Variants in GALNT13 observed in about 807,000 individuals in gnomAD.
GALNT13 encodes polypeptide N-acetylgalactosaminyltransferase 13.
GALNT13 carries 28 observed loss-of-function variants against 64.2 expected under a neutral mutation model. That is an observed-to-expected ratio of 0.44 (90% CI 0.32 to 0.60). GALNT13 has a LOEUF of 0.60. GALNT13 is among the 20% of genes least tolerant of loss of function. The probability of loss-of-function intolerance (pLI) is 0.05; values close to 1 mark genes in which losing one functional copy is unlikely to be tolerated. For synonymous variants in GALNT13, 214 were observed against 224.6 expected (o/e 0.95, Z 0.42); for missense variants, 577 against 669.8 (o/e 0.86, Z 1.53).
intron 3 of GALNT13, among the ~76,000 whole-genome samples, chr2:154,095,910 A>C (rs1235039967): frequency 6.6e-6 from 1 of 152,036 alleles, no homozygotes; most frequent in Non-Finnish European, 1.5e-5. Flanking sequence ...AAACCACAAA[A>C]TACATAGATT....
intron 9 of GALNT13, among the ~76,000 whole-genome samples, chr2:154,309,736 T>C (rs542161694): frequency 6.6e-6 from 1 of 152,212 alleles, no homozygotes; most frequent in Non-Finnish European, 1.5e-5. Context: ...CAACATAAAT[T>C]TGGGCAGGAA....
the GALNT13 span, among the ~76,000 whole-genome samples, chr2:153,288,882 ATATACT>A: frequency 6.6e-6 from 1 of 152,186 alleles, no homozygotes; most frequent in Non-Finnish European, 1.5e-5. Flanking sequence ...ACTTAAATTT[ATATACT>A]TATAATCTGT....
At chr2:153,378,792 G>A in the GALNT13 span, among the ~76,000 whole-genome samples, 1 of 152,062 alleles carries the variant, frequency 6.6e-6, no homozygotes, top group East Asian at 1.9e-4. Context: ...CCAGGCCTCT[G>A]GTTTGTGTAA....
At chr2:154,096,292 C>A (rs1387319568) in intron 3 of GALNT13, among the ~76,000 whole-genome samples, 1 of 151,928 alleles carries the variant, frequency 6.6e-6, no homozygotes, top group Admixed American at 6.6e-5. Context: ...TGGCTTCTGG[C>A]TCTGGGACAT....
chr2:153,574,371 G>A, the GALNT13 span, among the ~76,000 whole-genome samples: 3 of 151,898 alleles, frequency 2.0e-5, no homozygotes, highest in Admixed American at 6.6e-5. Context: ...TAACCTTCTT[G>A]CAGATATTGA....
At chr2:153,686,668 CAAT>C in the GALNT13 span, among the ~76,000 whole-genome samples, 5 of 152,094 alleles carry the variant, frequency 3.3e-5, no homozygotes, top group South Asian at 1.0e-3. Context: ...CCAGGACATA[CAAT>C]ACTATGTTGA....
the GALNT13 span, among the ~76,000 whole-genome samples, chr2:153,200,111 G>A: frequency 6.6e-6 from 1 of 152,166 alleles, no homozygotes; most frequent in Admixed American, 6.5e-5. Flanking sequence ...GAGGACTTTG[G>A]AGTTGATGGA....
chr2:153,494,408 A>G, the GALNT13 span, among the ~76,000 whole-genome samples: 2 of 152,032 alleles, frequency 1.3e-5, no homozygotes, highest in Non-Finnish European at 2.9e-5. Flanking sequence ...ACAAAAGGAT[A>G]GATATAAAGG....
chr2:154,225,148 CAGAT>C (rs1255428206), intron 4 of GALNT13, among the ~76,000 whole-genome samples: 63 of 66,076 alleles, frequency 9.5e-4, no homozygotes, highest in Middle Eastern at 8.8e-3. Context: ...AGATAGATGA[CAGAT>C]AGATAGATGA....
chr2:153,875,763 G>T (rs529812184), intron 1 of GALNT13, among the ~76,000 whole-genome samples: 1 of 152,166 alleles, frequency 6.6e-6, no homozygotes, highest in Non-Finnish European at 1.5e-5. Context: ...AAGCCTTACT[G>T]TCTAAAATAA....
intron 1 of GALNT13, among the ~76,000 whole-genome samples, chr2:153,879,154 C>G (rs564626507): frequency 6.6e-6 from 1 of 152,248 alleles, no homozygotes; most frequent in African/African-American, 2.4e-5. Context: ...ACAGCAATTA[C>G]TATGCCCCAG....
At chr2:153,187,643 A>G in the GALNT13 span, 6 of 152,164 alleles carry the variant, frequency 3.9e-5, no homozygotes, top group African/African-American at 1.4e-4. Flanking sequence ...TCCCACATAT[A>G]TACTTTAAAT....
intron 3 of GALNT13, among the ~76,000 whole-genome samples, chr2:154,045,826 G>A (rs1699249826): frequency 6.6e-6 from 1 of 152,204 alleles, no homozygotes; most frequent in Non-Finnish European, 1.5e-5. Flanking sequence ...AGGAAATCCA[G>A]ATTGTACTTA....
the GALNT13 span, among the ~76,000 whole-genome samples, chr2:153,731,299 A>T: frequency 4.6e-5 from 7 of 151,882 alleles, no homozygotes; most frequent in African/African-American, 7.2e-5. Flanking sequence ...AAGCTAAGTG[A>T]TGTGTACACG....
At chr2:154,363,756 C>A (rs186821806) in intron 9 of GALNT13, among the ~76,000 whole-genome samples, 115 of 152,250 alleles carry the variant, frequency 7.6e-4, no homozygotes, top group African/African-American at 2.2e-3. Context: ...CCTATGCCTT[C>A]CACATCATGT....
the GALNT13 span, among the ~76,000 whole-genome samples, chr2:153,435,308 C>T: frequency 1.1e-4 from 17 of 152,044 alleles, no homozygotes; most frequent in Admixed American, 2.0e-4. Context: ...CTTGGCGATG[C>T]AGGCTCTTTT....
chr2:153,667,884 C>G, the GALNT13 span, among the ~76,000 whole-genome samples: 4 of 152,080 alleles, frequency 2.6e-5, no homozygotes, highest in Admixed American at 2.6e-4. Context: ...AGGGACCCAT[C>G]TAACAATCAA....
chr2:153,717,984 C>T, the GALNT13 span, among the ~76,000 whole-genome samples: 8 of 151,622 alleles, frequency 5.3e-5, no homozygotes, highest in African/African-American at 1.7e-4. Flanking sequence ...TTCAAAGCCA[C>T]AGGATGTCTG....
At chr2:154,431,645 G>C (rs1288420237) in intron 11 of GALNT13, among the ~76,000 whole-genome samples, 1 of 152,202 alleles carries the variant, frequency 6.6e-6, no homozygotes. Flanking sequence ...CTTACCATCT[G>C]ATATGATTTG....
Sources: allele counts gnomAD v4.1 joint callset (sites outside exome capture counted in the v4.1 genomes callset), GRCh38; gene constraint gnomAD v4.1.1; transcripts MANE v1.5; gene names NCBI Gene and HGNC (gene_info 2026-07-23, HGNC 2026-07-21).